The following ZC3H7B variants were observed in gnomAD, a reference collection of about 807,000 sequenced individuals.
ZC3H7B encodes zinc finger CCCH-type containing 7B.
ZC3H7B carries 35 observed loss-of-function variants against 116.0 expected under a neutral mutation model. The observed-to-expected ratio is 0.30, with a 90% CI of 0.23 to 0.40. The LOEUF (loss-of-function observed/expected upper bound fraction) is 0.40. Among genes scored for constraint, ZC3H7B ranks in the 10% least tolerant of loss-of-function variants. The pLI is 1.00. For synonymous variants in ZC3H7B, 502 were observed against 545.6 expected, an observed-to-expected ratio of 0.92 and a Z score of 1.11; for missense variants, 1,011 against 1,321.5, an observed-to-expected ratio of 0.77 and a Z score of 3.64.
chr22:41,314,950 CA>C (rs1351776312), intron 1 of ZC3H7B, among the ~76,000 whole-genome samples: 4 of 77,828 alleles, frequency 5.1e-5, no homozygotes, highest in African/African-American at 8.3e-5. Context: ...ACCCTGTCTC[CA>C]AAAAAAATAA....
intron 6 of ZC3H7B, 70 bp downstream of exon 6, chr22:41,330,173 C>A: frequency 1.3e-6 from 2 of 1,551,838 alleles, no homozygotes; most frequent in African/African-American, 1.4e-5. Flanking sequence ...GACCAGGCTC[C>A]GTGGGGAAGG....
intron 5 of ZC3H7B, among the ~76,000 whole-genome samples, chr22:41,329,678 TC>T (rs1398315571): frequency 6.6e-6 from 1 of 152,154 alleles, no homozygotes; most frequent in African/African-American, 2.4e-5. Context: ...AAGGGGGAGA[TC>T]CAGGGAGCAC....
chr22:41,329,931 A>G, intron 5 of ZC3H7B, 92 bp from the exon 6 acceptor site: 1 of 1,349,576 alleles, frequency 7.4e-7, no homozygotes, highest in East Asian at 2.4e-5. Context: ...GGTGACTATG[A>G]CCTCCCTCCG....
intron 7 of ZC3H7B, among the ~76,000 whole-genome samples, chr22:41,337,987 C>A (rs1433981530): frequency 6.6e-6 from 1 of 152,094 alleles, no homozygotes; most frequent in African/African-American, 2.4e-5. Flanking sequence ...CCTGCCTCAG[C>A]CTCCCAAGTA....
chr22:41,331,079 G>T (rs1387495595), intron 6 of ZC3H7B, among the ~76,000 whole-genome samples: 1 of 142,700 alleles, frequency 7.0e-6, no homozygotes, highest in Non-Finnish European at 1.5e-5. Flanking sequence ...CCGTGGTCTC[G>T]ATCTCCTGAC....
chr22:41,347,995 C>A, intron 14 of ZC3H7B, 72 bp from the exon 15 acceptor site: 2 of 1,318,012 alleles, frequency 1.5e-6, no homozygotes, highest in Non-Finnish European at 2.2e-6. Flanking sequence ...CCCCAGCTAG[C>A]TGTGTGGGGT....
chr22:41,318,528 CA>C (rs61267547), intron 1 of ZC3H7B, among the ~76,000 whole-genome samples: 169 of 92,338 alleles, frequency 1.8e-3, no homozygotes, highest in African/African-American at 4.0e-3. Flanking sequence ...GACTCCGCCT[CA>C]AAAAAAAAAA....
chr22:41,321,253 T>C (rs2036253021), intron 2 of ZC3H7B, among the ~76,000 whole-genome samples: 1 of 151,270 alleles, frequency 6.6e-6, no homozygotes, highest in African/African-American at 2.4e-5. Flanking sequence ...TCTTGCCCTG[T>C]TGCCCAGGCT....
chr22:41,316,677 C>A (rs1336023692), intron 1 of ZC3H7B, among the ~76,000 whole-genome samples: 1 of 142,614 alleles, frequency 7.0e-6, no homozygotes, highest in Non-Finnish European at 1.5e-5. Context: ...CGGTTCACTG[C>A]AGCCTTAACT....
chr22:41,310,183 C>A (rs570639089), intron 1 of ZC3H7B, among the ~76,000 whole-genome samples: 1 of 152,070 alleles, frequency 6.6e-6, no homozygotes, highest in Admixed American at 6.6e-5. Context: ...CCAGCCTGGG[C>A]GACAGAGCGA....
chr22:41,355,025 C>G (rs2036696092), intron 17 of ZC3H7B, among the ~76,000 whole-genome samples: 1 of 152,198 alleles, frequency 6.6e-6, no homozygotes, highest in Non-Finnish European at 1.5e-5. Context: ...TGTGGGAGCT[C>G]ACTGAATGGA....
chr22:41,346,344 G>T lies in ZC3H7B; in HGVS notation c.1665+136G>T. 1 of 879,140 alleles carries T rather than the reference G, an allele frequency of 1.1e-6. No individual in the cohort carries two copies. Among genetic ancestry groups the T allele is most frequent in the Non-Finnish European group, 1.7e-6 (1 of 574,726 alleles). 54.5% of individuals were successfully genotyped at this position (879,140 alleles called of 1,614,324 possible). On this transcript the variant is annotated intron_variant, in intron 14 of 22. Transcript: ENST00000352645. This position sits in a 1 kb window ranked among gnomAD's most constrained non-coding sequence, Gnocchi z 5.3. ...GGAGGCCTGGTCTTAGAACCAGTAG[G>T]TCCTGGAGGGTCAGTAAGTCTGGGC...
intron 1 of ZC3H7B, among the ~76,000 whole-genome samples, chr22:41,304,814 A>C (rs984310631): frequency 6.6e-6 from 1 of 152,206 alleles, no homozygotes. Context: ...AGATGAAGAA[A>C]TTGAGGAACA....
chr22:41,343,189 G>C (rs552449951), intron 12 of ZC3H7B, among the ~76,000 whole-genome samples: 4 of 152,172 alleles, frequency 2.6e-5, no homozygotes, highest in African/African-American at 7.2e-5. Flanking sequence ...AAGGAGGGGG[G>C]ATGGGTGCCA....
intron 1 of ZC3H7B, among the ~76,000 whole-genome samples, chr22:41,307,676 C>G (rs61371707): frequency 6.6e-6 from 1 of 152,140 alleles, no homozygotes; most frequent in African/African-American, 2.4e-5. Flanking sequence ...ATACCAGCAT[C>G]GTGCTTGACA....
At position 41,355,882 on chromosome 22, in the gene ZC3H7B, G is replaced by T; in HGVS notation, c.2274+20G>T. The T allele has an allele frequency of 1.2e-6, 2 of 1,612,538 alleles. No individual in the cohort carries two copies. The highest frequency in any genetic ancestry group is 1.1e-5 in the South Asian group (1 of 90,984). ...TACGATGTGAGCGCTGGGATGGGGG[G>T]CTGGGGGTCCCCCAGGAGGCAGCGA... On this transcript the variant is annotated intron_variant, in intron 19 of 22. Coordinates refer to ENST00000352645, the MANE Select transcript of ZC3H7B (RefSeq NM_017590.6).
At chr22:41,342,164 G>A (rs1346484137) in intron 11 of ZC3H7B, among the ~76,000 whole-genome samples, 1 of 152,084 alleles carries the variant, frequency 6.6e-6, no homozygotes, top group East Asian at 1.9e-4. Context: ...CTCCCCATCT[G>A]CTGATGACTT....
Position 41,356,052 on chromosome 22 carries a change from G to A in ZC3H7B, c.2373G>A (p.Lys791=). The change falls in exon 20 of 23, where the codon AAG becomes AAA. Residue 791 remains lysine (K), a synonymous_variant. Transcript: ENST00000352645. ...AGAGGGACATGTGGACCTTCATGAA[G>A]GAGAACAAGAGTGAGTGGGCAGACG... is the stretch of plus-strand genomic sequence containing the variant. ...PEERDMWTFM[K]ENKILDMQQT... 6.4e-7 allele frequency: 1 copy of A among 1,567,626 alleles called. No individual in the cohort carries two copies. Among genetic ancestry groups the A allele is most frequent in the South Asian group, 1.2e-5 (1 of 83,836 alleles).
At position 41,357,193 on chromosome 22, in the gene ZC3H7B, G is replaced by A; in HGVS notation, c.2698G>A (p.Ala900Thr). 2 of 1,613,360 alleles carry A rather than the reference G, an allele frequency of 1.2e-6. No homozygotes were observed. Among genetic ancestry groups the A allele is most frequent in the South Asian group, 1.1e-5 (1 of 91,074 alleles). The change falls in exon 23 of 23, where the codon GCC becomes ACC. Residue 900 changes from alanine to threonine, a missense_variant. Physicochemically the swap from Ala to Thr is moderately conservative, Grantham distance 58. Coordinates refer to ENST00000352645, the MANE Select transcript of ZC3H7B (RefSeq NM_017590.6). This position sits in a 1 kb window ranked among gnomAD's most constrained non-coding sequence, Gnocchi z 5.4. ...RLCDRLQKGK[A>T]CPDGDKCRCA... ...CACCCACAGGCTCCAGAAGGGCAAA[G>A]CCTGCCCAGATGGGGACAAGTGCCG...
Sources: allele counts gnomAD v4.1 joint callset (sites outside exome capture counted in the v4.1 genomes callset), GRCh38; gene constraint gnomAD v4.1.1; non-coding constraint Gnocchi (gnomAD v3.1); transcripts MANE v1.5; gene names NCBI Gene and HGNC (gene_info 2026-07-23, HGNC 2026-07-21).